The following ABCC8 variants were observed in gnomAD, a reference collection of about 807,000 sequenced individuals.
The protein encoded by ABCC8 is ATP binding cassette subfamily C member 8.
In ABCC8, 137 loss-of-function variants were observed where a neutral mutation model predicts 188.0. The observed-to-expected ratio is 0.73, with a 90% CI of 0.63 to 0.84. The LOEUF (loss-of-function observed/expected upper bound fraction) is 0.84. ABCC8 is among the 40% of genes least tolerant of loss of function. The pLI, the probability that ABCC8 is intolerant of heterozygous loss-of-function variation, is 0.00. For missense variants in ABCC8, 1,750 were observed against 2,072.7 expected, an observed-to-expected ratio of 0.84 and a Z score of 3.02; for synonymous variants, 797 against 846.5, an observed-to-expected ratio of 0.94 and a Z score of 1.01.
chr11:17,398,223 C>A, intron 30 of ABCC8, 116 bp downstream of exon 30: 1 of 1,368,944 alleles, frequency 7.3e-7, no homozygotes, highest in Admixed American at 2.0e-5. Flanking sequence ...AGCAGGAAGG[C>A]TTGGTGTCCA....
intron 10 of ABCC8, among the ~76,000 whole-genome samples, chr11:17,435,170 C>T (rs763219022): frequency 1.3e-5 from 2 of 152,124 alleles, no homozygotes; most frequent in South Asian, 4.1e-4. Context: ...TAGACTAATT[C>T]CCCTCCACCC....
chr11:17,398,646 CA>C, intron 29 of ABCC8: 1 of 504,288 alleles, frequency 2.0e-6, no homozygotes, highest in Non-Finnish European at 2.6e-6. Flanking sequence ...CCACCTCCTC[CA>C]AACTCTTGTT....
rs1953967565 is a variant in ABCC8 at position 17,397,019 on chromosome 11, G to A, written c.4016C>T (p.Pro1339Leu). The stretch of plus-strand genomic sequence containing the variant: ...CTGGATCTGGATCTTCCCTTGGTCT[G>A]GCCAGTTCTTTGGGATCAGCGATGG... ...LAPSLIPKNW[P>L]DQGKIQIQNL... Residue 1339 changes from proline (P) to leucine (L), a missense_variant, in exon 33 of 39, where the codon CCA becomes CTA. Coordinates refer to ENST00000389817, the MANE Select transcript of ABCC8 (RefSeq NM_000352.6). The A allele has an allele frequency of 6.2e-7, 1 of 1,614,090 alleles. No homozygotes were observed. Among genetic ancestry groups the A allele is most frequent in the Non-Finnish European group, 8.5e-7 (1 of 1,180,022 alleles).
At chr11:17,432,601 C>A (rs1488021046) in intron 10 of ABCC8, among the ~76,000 whole-genome samples, 1 of 152,166 alleles carries the variant, frequency 6.6e-6, no homozygotes, top group African/African-American at 2.4e-5. Context: ...CACAAAGCTG[C>A]CACTTCTTCC....
chr11:17,456,541 A>C (rs11827593), intron 6 of ABCC8, among the ~76,000 whole-genome samples: 2,415 of 152,260 alleles, frequency 0.016, 68 homozygotes, highest in African/African-American at 0.056. Flanking sequence ...TCAAAAGGTG[A>C]GTTGTCCGTA....
intron 4 of ABCC8, among the ~76,000 whole-genome samples, chr11:17,463,188 C>T (rs544341434): frequency 6.6e-6 from 1 of 152,268 alleles, no homozygotes; most frequent in East Asian, 1.9e-4. Context: ...GAAAGTCATC[C>T]GCCAACCTCA....
At chr11:17,470,949 C>A (rs1040718303) in intron 2 of ABCC8, among the ~76,000 whole-genome samples, 1 of 152,174 alleles carries the variant, frequency 6.6e-6, no homozygotes, top group African/African-American at 2.4e-5. Context: ...TGGTCGTGAT[C>A]ATGCCCTTCC....
chr11:17,427,923 G>A lies in ABCC8; in HGVS notation c.2060C>T (p.Thr687Met), dbSNP rs150316347. Residue 687 changes from threonine to methionine, a missense_variant, in exon 15 of 39, where the codon ACG (threonine) becomes ATG (methionine). Coordinates refer to ENST00000389817, the MANE Select transcript of ABCC8 (RefSeq NM_000352.6). This position sits in a 1 kb window ranked among gnomAD's most constrained non-coding sequence, Gnocchi z 5.0. ...CCVQIMGGYF[T>M]WTPDGIPTLS... Reference sequence around the variant, plus strand: ...TGTGGGGATTCCATCTGGGGTCCACGTGAAGTAGCCTCCCATGATCTTCAT... The same window carrying A: ...TGTGGGGATTCCATCTGGGGTCCACATGAAGTAGCCTCCCATGATCTTCAT... The A allele has an allele frequency of 5.5e-5, 88 of 1,613,936 alleles. 1 individual carries two copies. In the East Asian group the frequency reaches 1.1e-3, roughly 20 times the overall value.
intron 7 of ABCC8, 25 bp from the exon 8 acceptor site, chr11:17,448,696 A>T: frequency 6.2e-7 from 1 of 1,614,082 alleles, no homozygotes; most frequent in South Asian, 1.1e-5. Context: ...AGAGTGTTTC[A>T]CATTCATCAT....
intron 38 of ABCC8, 89 bp from the exon 39 acceptor site, chr11:17,393,217 G>A: frequency 6.5e-7 from 1 of 1,546,928 alleles, no homozygotes; most frequent in South Asian, 1.1e-5. Flanking sequence ...CTGCGGCTTG[G>A]AGGAGGAGGA....
rs1057516589 is a variant in ABCC8 at position 17,416,928 on chromosome 11, A to G, written c.2255+2T>C. On this transcript the variant is annotated splice_donor_variant, in intron 17 of 38. Transcript: ENST00000389817. LOFTEE classifies it high-confidence loss of function. Reference sequence around the variant, plus strand: ...ACTTCTGACCCAGTCCCAAGGCTGTACCTGGGGTCCTCTCCTATCTCGCTG... The same window carrying G: ...ACTTCTGACCCAGTCCCAAGGCTGTGCCTGGGGTCCTCTCCTATCTCGCTG... 1.2e-6 allele frequency: 2 copies of G among 1,612,178 alleles called. No individual in the cohort carries two copies. The highest frequency in any genetic ancestry group is 1.7e-6 in the Non-Finnish European group (2 of 1,179,512).
rs777461294 is a variant in ABCC8, at chr11:17,453,168, G to T, written c.1127C>A (p.Ser376Tyr). ...LLLQRTFLQA[S>Y]YYVAIETGIN... is the part of the protein sequence containing the mutation. ...TCCAGTTTCAATGGCCACATAGTAG[G>T]ATGCTTGCAGAAATGTCCTTTGCAG... Residue 376 changes from serine to tyrosine, a missense_variant, in exon 7 of 39, where the codon TCC becomes TAC. By Grantham distance (144) the Ser-to-Tyr change is moderately radical (BLOSUM62 -2). Coordinates refer to ENST00000389817, the MANE Select transcript of ABCC8 (RefSeq NM_000352.6). The T allele has an allele frequency of 6.2e-7, 1 of 1,613,974 alleles. No homozygotes were observed. The highest frequency in any genetic ancestry group is 8.5e-7 in the Non-Finnish European group (1 of 1,180,028).
chr11:17,397,552 C>T lies in ABCC8; in HGVS notation c.3867+132G>A, dbSNP rs78537444. 1,387 of 1,436,992 alleles carry T rather than the reference C, an allele frequency of 9.7e-4. 21 individuals are homozygous for T. In the African/African-American group the frequency reaches 0.017, roughly 18 times the overall value. 89.0% of individuals were successfully genotyped at this position (1,436,992 alleles called of 1,614,324 possible). ...GCCTGCTGGTCAGCCTTCCTGCCCG[C>T]ACTGTCCCTCTGGCATCAGATGCAA... is the stretch of plus-strand genomic sequence containing the variant. On this transcript the variant is annotated intron_variant, in intron 31 of 38. Coordinates refer to ENST00000389817, the MANE Select transcript of ABCC8 (RefSeq NM_000352.6).
chr11:17,395,060 C>T, intron 36 of ABCC8, 112 bp downstream of exon 36: 1 of 1,381,598 alleles, frequency 7.2e-7, no homozygotes, highest in South Asian at 1.3e-5. Flanking sequence ...ATGGTCCTGC[C>T]AGGCTTCAGA....
chr11:17,455,356 G>T (rs536543464), intron 6 of ABCC8, among the ~76,000 whole-genome samples: 1 of 152,264 alleles, frequency 6.6e-6, no homozygotes, highest in African/African-American at 2.4e-5. Flanking sequence ...ATGTTTGTTC[G>T]TTAGACTATG....
In ABCC8 at chr11:17,404,632, G is replaced by A. The variant is rs761730014; in HGVS notation, c.3437C>T (p.Thr1146Ile). The A allele has an allele frequency of 1.9e-6, 3 of 1,613,240 alleles. No individual in the cohort carries two copies. The highest frequency in any genetic ancestry group is 2.5e-6 in the Non-Finnish European group (3 of 1,179,800). Residue 1146 changes from threonine to isoleucine, a missense_variant, in exon 28 of 39, where the codon ACC (threonine) becomes ATC (isoleucine). Physicochemically the swap from Thr to Ile is moderately conservative, Grantham distance 89 (BLOSUM62 -1). Coordinates refer to ENST00000389817, the MANE Select transcript of ABCC8 (RefSeq NM_000352.6). This position sits in a 1 kb window ranked among gnomAD's most constrained non-coding sequence, Gnocchi z 4.7. The stretch of plus-strand genomic sequence containing the variant: ...GGCCAGGGCTGAGACACAGAGCAGG[G>A]TGGAGCGGCTCAGGCACTCCAGCGT... ...PSTLECLSRS[T>I]LLCVSALAVI...
intron 10 of ABCC8, chr11:17,432,468 A>C: frequency 1.1e-6 from 1 of 894,564 alleles, no homozygotes; most frequent in South Asian, 1.9e-5. Flanking sequence ...TCTGGGGCTT[A>C]AACTGTTAAG....
chr11:17,458,733 G>A (rs1358654691), intron 6 of ABCC8, among the ~76,000 whole-genome samples: 1 of 152,196 alleles, frequency 6.6e-6, no homozygotes, highest in Non-Finnish European at 1.5e-5. Context: ...AAGCAAAAGT[G>A]GTCCTTGCAT....
Position 17,442,802 on chromosome 11 carries a change from G to A in ABCC8, c.1548C>T (p.Asn516=), listed in dbSNP as rs776590557. Reference sequence around the variant, plus strand: ...TCGTCTCCACCCGCGTGCGGAAGATGTTCTCCCAGGCGTACAGCTTCAGCA... The same window carrying A: ...TCGTCTCCACCCGCGTGCGGAAGATATTCTCCCAGGCGTACAGCTTCAGCA... ...IKLLKLYAWE[N]IFRTRVETTR... is the part of the protein sequence containing the mutation. The change falls in exon 10 of 39, where the codon AAC becomes AAT. Residue 516 remains asparagine (N), a synonymous_variant. Transcript: ENST00000389817. 4 of 1,614,106 alleles carry A rather than the reference G, an allele frequency of 2.5e-6. No individual in the cohort carries two copies. The highest frequency in any genetic ancestry group is 2.2e-5 in the East Asian group (1 of 44,872).
Sources: gnomAD v4.1 joint callset for allele counts (sites outside exome capture counted in the v4.1 genomes callset) on GRCh38, gnomAD v4.1.1 for gene constraint, Gnocchi (gnomAD v3.1) non-coding constraint, MANE v1.5 for transcripts, NCBI Gene and HGNC (gene_info 2026-07-23, HGNC 2026-07-21) for gene names.